The following ITGB3 variants were observed in gnomAD, a reference collection of about 807,000 sequenced individuals.
The protein encoded by ITGB3 is integrin subunit beta 3.
In ITGB3, 48 loss-of-function variants were observed where a neutral mutation model predicts 85.8. That is an observed-to-expected ratio of 0.56 (90% CI 0.44 to 0.71). The LOEUF (loss-of-function observed/expected upper bound fraction) is 0.71. Ranked by LOEUF, ITGB3 falls within the 30% of genes least tolerant of loss-of-function variation. ITGB3 has a pLI of 0.00. For missense variants in ITGB3, 861 were observed against 1,019.1 expected (o/e 0.84, Z 2.11); for synonymous variants, 363 against 395.6 (o/e 0.92, Z 0.98).
intron 1 of ITGB3, among the ~76,000 whole-genome samples, chr17:47,273,040 G>A (rs1457439881): frequency 6.6e-6 from 1 of 152,166 alleles, no homozygotes; most frequent in Admixed American, 6.5e-5. Context: ...CTCCCAAAGT[G>A]GGGAGATTAC....
chr17:47,308,118 A>C (rs1451273798), intron 14 of ITGB3, among the ~76,000 whole-genome samples: 1 of 149,958 alleles, frequency 6.7e-6, no homozygotes, highest in Non-Finnish European at 1.5e-5. Context: ...GTGAGCTGAG[A>C]TTGCACCCTG....
chr17:47,308,565 C>T (rs1430944817), intron 14 of ITGB3, among the ~76,000 whole-genome samples: 1 of 151,974 alleles, frequency 6.6e-6, no homozygotes, highest in East Asian at 1.9e-4. Context: ...TTGAGTGTAG[C>T]GATCTTGGCT....
chr17:47,265,383 G>A (rs938479546), intron 1 of ITGB3, among the ~76,000 whole-genome samples: 1 of 152,138 alleles, frequency 6.6e-6, no homozygotes, highest in Non-Finnish European at 1.5e-5. Flanking sequence ...TGAAATTAAG[G>A]TGTCAGCAGG....
chr17:47,272,662 A>ATCT (rs1406132584), intron 1 of ITGB3, among the ~76,000 whole-genome samples: 4 of 116,812 alleles, frequency 3.4e-5, no homozygotes, highest in Admixed American at 3.3e-4. Context: ...AATTTTATGT[A>ATCT]ATCTTTCTTT....
At chr17:47,282,359 A>G (rs2065086836) in intron 2 of ITGB3, among the ~76,000 whole-genome samples, 2 of 152,172 alleles carry the variant, frequency 1.3e-5, no homozygotes, top group Admixed American at 1.3e-4. Flanking sequence ...TGTAAAACTA[A>G]AACTCTGTAC....
At chr17:47,282,939 T>G (rs1379294363) in intron 2 of ITGB3, among the ~76,000 whole-genome samples, 2 of 152,272 alleles carry the variant, frequency 1.3e-5, no homozygotes, top group Non-Finnish European at 2.9e-5. Context: ...AAATTGATTT[T>G]GGGACCCACA....
chr17:47,261,304 T>C (rs1011206067), intron 1 of ITGB3, among the ~76,000 whole-genome samples: 5 of 152,150 alleles, frequency 3.3e-5, no homozygotes, highest in Admixed American at 3.3e-4. Context: ...AATTTTCTTT[T>C]AGCTTATAAA....
At chr17:47,258,828 A>G (rs549483696) in intron 1 of ITGB3, among the ~76,000 whole-genome samples, 6 of 152,298 alleles carry the variant, frequency 3.9e-5, no homozygotes, top group South Asian at 2.1e-4. Context: ...CTGCAGTTCT[A>G]TGTTTTACAA....
rs2065157194 is a variant in ITGB3, at chr17:47,299,345, C to G, written c.1728C>G (p.Asp576Glu). The G allele has an allele frequency of 6.2e-7, 1 of 1,614,206 alleles. No individual in the cohort carries two copies. Residue 576 changes from aspartate (D) to glutamate (E), a missense_variant, in exon 11 of 15, where the codon GAC (aspartate) becomes GAG (glutamate). By Grantham distance (45) the Asp-to-Glu change is conservative. Coordinates refer to ENST00000559488, the MANE Select transcript of ITGB3 (RefSeq NM_000212.3). This position sits in a 1 kb window ranked among gnomAD's most constrained non-coding sequence, Gnocchi z 5.1. The part of the protein sequence containing the change: ...GQCSCGDCLC[D>E]SDWTGYYCNC... ...GCAGCTGTGGGGACTGCCTGTGTGA[C>G]TCCGACTGGACCGGCTACTACTGCA...
chr17:47,272,692 T>G (rs1285408193), intron 1 of ITGB3, among the ~76,000 whole-genome samples: 15 of 136,012 alleles, frequency 1.1e-4, no homozygotes, highest in Non-Finnish European at 1.6e-4. Flanking sequence ...TTTTTCTTTC[T>G]TTCTTTCCTT....
chr17:47,261,039 C>T (rs1000495159), intron 1 of ITGB3, among the ~76,000 whole-genome samples: 1 of 152,180 alleles, frequency 6.6e-6, no homozygotes, highest in African/African-American at 2.4e-5. Flanking sequence ...TAACTATAGT[C>T]ACCATGTTGT....
chr17:47,267,296 G>T (rs8073827), intron 1 of ITGB3, among the ~76,000 whole-genome samples: 52,419 of 151,992 alleles, frequency 0.34, 9,386 homozygotes, highest in East Asian at 0.52. Context: ...TGTTTGTTCT[G>T]TAAGTGACAT....
At chr17:47,284,366 T>G in intron 3 of ITGB3, 77 bp from the exon 4 acceptor site, 1 of 1,583,148 alleles carries the variant, frequency 6.3e-7, no homozygotes, top group Non-Finnish European at 8.6e-7. Flanking sequence ...AATTTCTTAG[T>G]CCCAACTGTA....
intron 2 of ITGB3, among the ~76,000 whole-genome samples, chr17:47,276,412 T>C (rs1018653968): frequency 1.3e-5 from 2 of 152,118 alleles, no homozygotes; most frequent in Admixed American, 1.3e-4. Flanking sequence ...CCTTGTCCCC[T>C]GGGGCAGGCC....
At chr17:47,262,142 A>G (rs910980172) in intron 1 of ITGB3, among the ~76,000 whole-genome samples, 5 of 152,212 alleles carry the variant, frequency 3.3e-5, no homozygotes, top group African/African-American at 1.2e-4. Context: ...AGGTGTTGTC[A>G]ATTTGTCCTC....
At chr17:47,281,078 G>A (rs544820652) in intron 2 of ITGB3, among the ~76,000 whole-genome samples, 34 of 152,240 alleles carry the variant, frequency 2.2e-4, no homozygotes, top group African/African-American at 8.2e-4. Flanking sequence ...TTTCTCCCTT[G>A]TAAAATTATA....
At chr17:47,297,256 T>A (rs1453984037) in intron 10 of ITGB3, among the ~76,000 whole-genome samples, 1 of 152,116 alleles carries the variant, frequency 6.6e-6, no homozygotes, top group Non-Finnish European at 1.5e-5. Flanking sequence ...TCAGTTTGAG[T>A]CCTGACCCTG....
chr17:47,273,320 G>C (rs893597609), intron 1 of ITGB3, among the ~76,000 whole-genome samples: 1 of 152,224 alleles, frequency 6.6e-6, no homozygotes, highest in South Asian at 2.1e-4. Flanking sequence ...TGAAGGAGCT[G>C]TCAGGGTAAC....
rs778540896 is a variant in ITGB3 at position 47,307,656 on chromosome 17, C to A, written c.2301+19C>A. On this transcript the variant is annotated intron_variant, in intron 14 of 14. Transcript: ENST00000559488. ...GGACACAGTAAGAGACGGGGCTGGG[C>A]GTTTTCTAAAGTCATTGGTCTGAGA... 1 of 1,612,736 alleles carries A rather than the reference C, an allele frequency of 6.2e-7. No homozygotes were observed. The highest frequency in any genetic ancestry group is 8.5e-7 in the Non-Finnish European group (1 of 1,179,068).
Sources: gnomAD v4.1 joint callset for allele counts (sites outside exome capture counted in the v4.1 genomes callset) on GRCh38, gnomAD v4.1.1 for gene constraint, Gnocchi (gnomAD v3.1) non-coding constraint, MANE v1.5 for transcripts, NCBI Gene and HGNC (gene_info 2026-07-23, HGNC 2026-07-21) for gene names.